The following KRT40 variants were observed in gnomAD, a reference collection of about 807,000 sequenced individuals.
KRT40 encodes keratin 40.
Under a neutral mutation model 43.5 loss-of-function variants are expected in KRT40, and 47 were observed. That is an observed-to-expected ratio of 1.08 (90% CI 0.86 to 1.38). The LOEUF (loss-of-function observed/expected upper bound fraction) is 1.38. KRT40 is among the 40% of genes most tolerant of loss of function. KRT40 has a pLI of 0.00. For synonymous variants in KRT40, 212 were observed against 214.0 expected (o/e 0.99, Z 0.08); for missense variants, 573 against 523.6 (o/e 1.09, Z -0.92).
Position 40,980,886 on chromosome 17 carries a change from G to C in KRT40, c.874C>G (p.Leu292Val). The C allele has an allele frequency of 6.2e-7, 1 of 1,614,014 alleles. No individual in the cohort carries two copies. The highest frequency in any genetic ancestry group is 8.5e-7 in the Non-Finnish European group (1 of 1,180,012). ...CCCTGCAGCTGCTCCGCGCTGGACA[G>C]TTGCTGCTGATTCAGCTCTTCTGTC... is the stretch of plus-strand genomic sequence containing the variant. ...VQTEELNQQQ[L>V]SSAEQLQGCQ... The change falls in exon 5 of 7, where the codon CTG (leucine) becomes GTG (valine). Residue 292 changes from leucine (L) to valine (V), a missense_variant. Physicochemically the swap from Leu to Val is conservative, Grantham distance 32. Coordinates refer to ENST00000377755, the MANE Select transcript of KRT40 (RefSeq NM_001389244.1).
Position 40,978,267 on chromosome 17 carries a change from C to T in KRT40, c.1226G>A (p.Cys409Tyr). Residue 409 changes from cysteine to tyrosine, a missense_variant, in exon 7 of 7, where the codon TGC (cysteine) becomes TAC (tyrosine). By Grantham distance (194) the Cys-to-Tyr change is radical. Transcript: ENST00000377755. ...TGGCTCACAAGTGTTGCTCGAGGTG[C>T]ATGTGGTCGAACATGGGCTACAGGA... ...RLSCSPCSTT[C>Y]TSSNTCEPCS... 6.2e-7 allele frequency: 1 copy of T among 1,614,042 alleles called. No homozygotes were observed.
At chr17:40,979,598 G>C (rs1597917644) in intron 5 of KRT40, among the ~76,000 whole-genome samples, 1 of 152,026 alleles carries the variant, frequency 6.6e-6, no homozygotes, top group Non-Finnish European at 1.5e-5. Context: ...CCACCACTAT[G>C]ACTACAGCAA....
Position 40,982,307 on chromosome 17 carries a change from C to G in KRT40, c.687G>C (p.Glu229Asp). Residue 229 changes from glutamate (E) to aspartate (D), a missense_variant and splice_region_variant, in exon 3 of 7, where the codon GAG (glutamate) becomes GAC (aspartate). Glu to Asp is a conservative substitution (Grantham distance 45). Transcript: ENST00000377755. ...DLLCLKKNHE[E>D]EVNLLREQLG... ...TCAGCGGAGTTGCCACTTTCCTTAC[C>G]TCTTCATGGTTTTTCTTAAGGCAAA... The G allele has an allele frequency of 6.4e-7, 1 of 1,553,638 alleles. No individual in the cohort carries two copies. The highest frequency in any genetic ancestry group is 8.7e-7 in the Non-Finnish European group (1 of 1,154,298).
At chr17:40,983,573 T>G (rs1912296381) in intron 1 of KRT40, among the ~76,000 whole-genome samples, 1 of 152,212 alleles carries the variant, frequency 6.6e-6, no homozygotes, top group African/African-American at 2.4e-5. Context: ...AATACAGTTT[T>G]TCTGCATTCT....
chr17:40,978,152 T>C lies in KRT40; in HGVS notation c.*45A>G. On this transcript the variant is annotated 3_prime_UTR_variant, in exon 7 of 7. Transcript: ENST00000377755. The stretch of plus-strand genomic sequence containing the variant: ...CCTGGTTGAAGCCCCATCTCCTTTC[T>C]AGGATGCTGCTGGCTTTGATTCCTC... The C allele has an allele frequency of 6.9e-7, 1 of 1,451,978 alleles. No individual in the cohort carries two copies. The highest frequency in any genetic ancestry group is 9.7e-7 in the Non-Finnish European group (1 of 1,035,068). 89.9% of individuals were successfully genotyped at this position (1,451,978 alleles called of 1,614,324 possible). A position where few individuals can be genotyped will look rare whatever the true frequency, so the allele number is the denominator to read the frequency against.
chr17:40,981,356 T>C (rs1912140282), intron 3 of KRT40: 5 of 957,174 alleles, frequency 5.2e-6, no homozygotes, highest in South Asian at 1.4e-5. Context: ...TGGACATTTT[T>C]CCAGAAAGTT....
chr17:40,981,734 C>T (rs1400142717), intron 3 of KRT40, among the ~76,000 whole-genome samples: 2 of 152,156 alleles, frequency 1.3e-5, no homozygotes, highest in African/African-American at 4.8e-5. Context: ...TGTGAAGTTA[C>T]CTCCTCCACA....
upstream of KRT40, chr17:40,986,848 G>C (rs753583858): frequency 6.6e-6 from 1 of 151,768 alleles, no homozygotes; most frequent in African/African-American, 2.4e-5. Flanking sequence ...CCTGCTTTTT[G>C]TCGCCTTCCA....
chr17:40,978,738 A>G (rs8064593), intron 6 of KRT40, 66 bp downstream of exon 6: 393,403 of 1,403,586 alleles, frequency 0.28, 61,978 homozygotes, highest in African/African-American at 0.66. Context: ...CTTTGGGGAA[A>G]CAGGATTCTT....
chr17:40,980,860 G>C lies in KRT40; in HGVS notation c.900C>G (p.Gly300=). 1 of 1,613,678 alleles carries C rather than the reference G, an allele frequency of 6.2e-7. No individual in the cohort carries two copies. Among genetic ancestry groups the C allele is most frequent in the African/African-American group, 1.3e-5 (1 of 74,988 alleles). Residue 300 remains glycine, a synonymous_variant, in exon 5 of 7, where the codon GGC becomes GGG. Transcript: ENST00000377755. ...TCAGTTCCAAGATCTCCATCTGGCA[G>C]CCCTGCAGCTGCTCCGCGCTGGACA... ...QQLSSAEQLQ[G]CQMEILELKR... is the part of the protein sequence containing the mutation.
intron 5 of KRT40, 55 bp downstream of exon 5, chr17:40,980,730 A>G: frequency 4.6e-6 from 7 of 1,525,912 alleles, no homozygotes; most frequent in Non-Finnish European, 5.2e-6. Context: ...AGGGCTTAAC[A>G]TCTCAGGGCC....
chr17:40,977,924 A>T lies in KRT40; in HGVS notation c.*273T>A. ...ATAAAATGAATATTCTATCAACAGTAATCAGCCATAGAGCTATATTTACCA... is the reference window on the plus strand; with the variant it reads ...ATAAAATGAATATTCTATCAACAGTTATCAGCCATAGAGCTATATTTACCA... On this transcript the variant is annotated 3_prime_UTR_variant, in exon 7 of 7. Coordinates refer to ENST00000377755, the MANE Select transcript of KRT40 (RefSeq NM_001389244.1). 1 of 297,936 alleles carries T rather than the reference A, an allele frequency of 3.4e-6. No individual in the cohort carries two copies. The highest frequency in any genetic ancestry group is 5.4e-5 in the East Asian group (1 of 18,360). The allele number at this position is 297,936 out of a possible 1,614,324, so 18.5% of individuals were successfully genotyped here. A position where few individuals can be genotyped will look rare whatever the true frequency, so the allele number is the denominator to read the frequency against.
chr17:40,981,254 T>C, intron 3 of KRT40, 103 bp from the exon 4 acceptor site: 1 of 1,588,676 alleles, frequency 6.3e-7, no homozygotes. Flanking sequence ...TGGGTAAAAG[T>C]GTGAGATTTT....
At chr17:40,978,737 A>C (rs1911939331) in intron 6 of KRT40, 67 bp downstream of exon 6, 2 of 1,401,514 alleles carry the variant, frequency 1.4e-6, no homozygotes, top group Admixed American at 3.6e-5. Flanking sequence ...ACTTTGGGGA[A>C]ACAGGATTCT....
chr17:40,982,528 A>G (rs1912227888), intron 2 of KRT40, 65 bp from the exon 3 acceptor site: 3 of 1,335,674 alleles, frequency 2.2e-6, no homozygotes, highest in Non-Finnish European at 3.0e-6. Flanking sequence ...GTGGGGATAC[A>G]TGGAGGATCG....
In KRT40 at chr17:40,978,884, G is replaced by A. The variant is rs769439554; in HGVS notation, c.1116C>T (p.Tyr372=). ...GGGCCTTCACGTCCAGGAGCACCTG[G>A]TACTCCTGGTTCTGTCGCTCCAGGT... is the stretch of plus-strand genomic sequence containing the variant. The part of the protein sequence containing the change: ...RCDLERQNQE[Y]QVLLDVKARL... Residue 372 remains tyrosine, a synonymous_variant, in exon 6 of 7, where the codon TAC becomes TAT. Transcript: ENST00000377755. 1 of 1,614,016 alleles carries A rather than the reference G, an allele frequency of 6.2e-7. No homozygotes were observed. Among genetic ancestry groups the A allele is most frequent in the Non-Finnish European group, 8.5e-7 (1 of 1,180,020 alleles).
chr17:40,980,084 C>A (rs748525834), intron 5 of KRT40, among the ~76,000 whole-genome samples: 4 of 152,214 alleles, frequency 2.6e-5, no homozygotes, highest in Non-Finnish European at 4.4e-5. Flanking sequence ...TGGGATTCAA[C>A]TGGCTGAACT....
At chr17:40,981,435 G>C in intron 3 of KRT40, 1 of 603,022 alleles carries the variant, frequency 1.7e-6, no homozygotes, top group Non-Finnish European at 3.0e-6. Context: ...CACATAGTAA[G>C]GTGTCAATAA....
chr17:40,985,784 C>A (rs1372439295), upstream of KRT40, among the ~76,000 whole-genome samples: 1 of 152,120 alleles, frequency 6.6e-6, no homozygotes, highest in Non-Finnish European at 1.5e-5. Context: ...TTCAAGGATT[C>A]AAAAACACTT....
Sources: allele counts gnomAD v4.1 joint callset (sites outside exome capture counted in the v4.1 genomes callset), GRCh38; gene constraint gnomAD v4.1.1; transcripts MANE v1.5; gene names NCBI Gene and HGNC (gene_info 2026-07-23, HGNC 2026-07-21).